SULT2B1: variants seen among roughly 807,000 people sequenced by gnomAD.
SULT2B1 encodes sulfotransferase 2B1.
SULT2B1 carries 16 observed loss-of-function variants against 33.2 expected under a neutral mutation model. The ratio of observed to expected loss-of-function variants is 0.48; its 90% confidence interval spans 0.33 to 0.73. The LOEUF is 0.73. Ranked by LOEUF, SULT2B1 falls within the 30% of genes least tolerant of loss-of-function variation. The pLI, the probability that SULT2B1 is intolerant of heterozygous loss-of-function variation, is 0.02. For missense variants in SULT2B1, 500 were observed against 506.0 expected (o/e 0.99, Z 0.11); for synonymous variants, 186 against 200.5 (o/e 0.93, Z 0.61).
intron 4 of SULT2B1, among the ~76,000 whole-genome samples, chr19:48,592,084 G>A (rs376602236): frequency 6.6e-6 from 1 of 152,200 alleles, no homozygotes; most frequent in South Asian, 2.1e-4. Context: ...ACAAGGTCAG[G>A]AGATTGAGAC....
At chr19:48,591,543 G>A in intron 3 of SULT2B1, 66 bp from the exon 4 acceptor site, 2 of 1,544,424 alleles carry the variant, frequency 1.3e-6, no homozygotes, top group African/African-American at 1.4e-5. Flanking sequence ...AGGGCAGGAG[G>A]CCTCAGGGGC....
In SULT2B1 at chr19:48,594,125, G is replaced by A. The variant is rs540015902; in HGVS notation, c.645+1309G>A. On this transcript the variant is annotated intron_variant, in intron 5 of 6. Transcript: ENST00000201586. ...AATACAAAAAAATTAGGCGGCCATG[G>A]TGGCGGGCGCCTGTAGCCCCAGCTA... Among the ~76,000 whole-genome samples the A allele has an allele frequency of 1.9e-4, 29 of 151,946 alleles. No individual in the cohort carries two copies. The South Asian group carries it at 5.8e-3, about 31-fold the overall frequency.
chr19:48,557,406 G>T (rs1319884624), intron 1 of SULT2B1, among the ~76,000 whole-genome samples: 1 of 151,906 alleles, frequency 6.6e-6, no homozygotes, highest in Non-Finnish European at 1.5e-5. Context: ...CAGGCGTGGT[G>T]GCACTTGCCT....
intron 1 of SULT2B1, among the ~76,000 whole-genome samples, chr19:48,556,881 C>T (rs889476216): frequency 3.3e-5 from 5 of 151,654 alleles, no homozygotes; most frequent in African/African-American, 7.3e-5. Flanking sequence ...ACCCAGGAGG[C>T]GGAAGTTGCA....
chr19:48,586,261 T>C (rs1459877538), intron 2 of SULT2B1, among the ~76,000 whole-genome samples: 1 of 152,190 alleles, frequency 6.6e-6, no homozygotes, highest in African/African-American at 2.4e-5. Context: ...GCTGTACTAA[T>C]AGATCAGCCT....
At chr19:48,576,233 G>A (rs978052740) in intron 2 of SULT2B1, 150 bp downstream of exon 2, 1 of 659,126 alleles carries the variant, frequency 1.5e-6, no homozygotes, top group East Asian at 2.8e-5. Context: ...AGCCTCCCAG[G>A]GATACCCACC....
In SULT2B1 at chr19:48,596,254, G is replaced by A. The variant is rs1601114868; in HGVS notation, c.646-485G>A. On this transcript the variant is annotated intron_variant, in intron 5 of 6. Coordinates refer to ENST00000201586, the MANE Select transcript of SULT2B1 (RefSeq NM_177973.2). The stretch of plus-strand genomic sequence containing the variant: ...CATGATGGACAGGTTTTGGGGGTGA[G>A]GGGTACCCAGAGAGGGAGGCCAGGC... The A allele has an allele frequency of 1.8e-5, 3 of 162,352 alleles. No individual in the cohort carries two copies. In the South Asian group the frequency reaches 4.7e-4, roughly 25 times the overall value. 10.1% of individuals were successfully genotyped at this position (162,352 alleles called of 1,614,324 possible). A position where few individuals can be genotyped will look rare whatever the true frequency, so the allele number is the denominator to read the frequency against.
chr19:48,554,011 A>T (rs1198793664), intron 1 of SULT2B1, among the ~76,000 whole-genome samples: 1 of 151,902 alleles, frequency 6.6e-6, no homozygotes, highest in Non-Finnish European at 1.5e-5. Flanking sequence ...GCTGGTCATA[A>T]AACGCCCTGA....
chr19:48,556,871 A>G (rs1011886944), intron 1 of SULT2B1, among the ~76,000 whole-genome samples: 5 of 151,452 alleles, frequency 3.3e-5, no homozygotes, highest in African/African-American at 1.2e-4. Context: ...AATCGCTTGA[A>G]CCCAGGAGGC....
Position 48,592,957 on chromosome 19 carries a change from A to G in SULT2B1, c.645+141A>G, listed in dbSNP as rs532124127. ...CCCCTGGGGATACTGCAGGAACAGA[A>G]CAGAGGCCCTGAGCCTGTGAGCAAG... On this transcript the variant is annotated intron_variant, in intron 5 of 6. Transcript: ENST00000201586. 2.3e-4 allele frequency: 162 copies of G among 709,558 alleles called. 1 individual carries two copies. In the African/African-American group the frequency reaches 2.5e-3, roughly 11 times the overall value. The allele number at this position is 709,558 out of a possible 1,614,324, so 44.0% of individuals were successfully genotyped here. A position where few individuals can be genotyped will look rare whatever the true frequency, so the allele number is the denominator to read the frequency against.
intron 3 of SULT2B1, 110 bp downstream of exon 3, chr19:48,587,547 T>C: frequency 2.4e-6 from 3 of 1,238,716 alleles, no homozygotes; most frequent in Non-Finnish European, 3.5e-6. Flanking sequence ...GTTAAACACC[T>C]ACTATGTGCC....
At chr19:48,570,421 TGCCTGCGTCA>T (rs1381885671) in intron 1 of SULT2B1, among the ~76,000 whole-genome samples, 1 of 151,930 alleles carries the variant, frequency 6.6e-6, no homozygotes, top group African/African-American at 2.4e-5. Flanking sequence ...TCAGGTGATT[TGCCTGCGTCA>T]GCCTCCCAAA....
At chr19:48,585,293 T>A (rs1359226235) in intron 2 of SULT2B1, among the ~76,000 whole-genome samples, 2 of 152,150 alleles carry the variant, frequency 1.3e-5, no homozygotes, top group East Asian at 3.9e-4. Context: ...TGTGGTCTCC[T>A]GAAATTCAAA....
At chr19:48,584,931 C>T (rs1973542693) in intron 2 of SULT2B1, among the ~76,000 whole-genome samples, 1 of 151,712 alleles carries the variant, frequency 6.6e-6, no homozygotes, top group Admixed American at 6.6e-5. Context: ...CACTTCTAGT[C>T]CCAGCTACTT....
At chr19:48,579,282 T>G (rs1973452869) in intron 2 of SULT2B1, among the ~76,000 whole-genome samples, 1 of 149,096 alleles carries the variant, frequency 6.7e-6, no homozygotes, top group Non-Finnish European at 1.5e-5. Flanking sequence ...GCATGCAAGT[T>G]CTTTTTTTTT....
chr19:48,554,412 G>T (rs1482933568), intron 1 of SULT2B1, among the ~76,000 whole-genome samples: 1 of 92,730 alleles, frequency 1.1e-5, no homozygotes, highest in African/African-American at 4.5e-5. Flanking sequence ...CCCTCTGCTC[G>T]CCCCCAGCCT....
chr19:48,584,412 G>A (rs951341882), intron 2 of SULT2B1, among the ~76,000 whole-genome samples: 5 of 152,198 alleles, frequency 3.3e-5, no homozygotes, highest in Admixed American at 1.3e-4. Flanking sequence ...AGAGGAGCTC[G>A]TGAGAATCAG....
chr19:48,567,605 T>C (rs1157579768), intron 1 of SULT2B1, among the ~76,000 whole-genome samples: 1 of 151,908 alleles, frequency 6.6e-6, no homozygotes, highest in African/African-American at 2.4e-5. Context: ...GCTTTGAAGG[T>C]AGGAAGGACA....
chr19:48,569,743 C>A (rs963634768), intron 1 of SULT2B1, among the ~76,000 whole-genome samples: 1 of 151,550 alleles, frequency 6.6e-6, no homozygotes, highest in South Asian at 2.1e-4. Context: ...CCCAGCTCAC[C>A]ATGACCTCCG....
Sources: gnomAD v4.1 joint callset for allele counts (sites outside exome capture counted in the v4.1 genomes callset) on GRCh38, gnomAD v4.1.1 for gene constraint, MANE v1.5 for transcripts, NCBI Gene and HGNC (gene_info 2026-07-23, HGNC 2026-07-21) for gene names.